PLEKHB2: variants seen among roughly 807,000 people sequenced by gnomAD.
PLEKHB2 encodes the protein pleckstrin homology domain containing B2.
A neutral mutation model predicts 36.5 loss-of-function variants in PLEKHB2; 31 were observed. The ratio of observed to expected loss-of-function variants is 0.85; its 90% confidence interval spans 0.64 to 1.15. The LOEUF (loss-of-function observed/expected upper bound fraction) is 1.15, where lower values mean the gene tolerates loss of function less well. PLEKHB2 is among the 50% of genes most tolerant of loss of function. The pLI is 0.00. For synonymous variants in PLEKHB2, 119 were observed against 112.0 expected (o/e 1.06, Z -0.39); for missense variants, 262 against 295.3 (o/e 0.89, Z 0.83).
At chr2:131,125,165 TG>T (rs1696971673) in intron 2 of PLEKHB2, among the ~76,000 whole-genome samples, 1 of 152,244 alleles carries the variant, frequency 6.6e-6, no homozygotes, top group Non-Finnish European at 1.5e-5. Flanking sequence ...CTGATCAATC[TG>T]GCAATTTAGA....
chr2:131,122,066 T>C (rs1053015754), intron 2 of PLEKHB2, among the ~76,000 whole-genome samples: 2 of 152,012 alleles, frequency 1.3e-5, no homozygotes, highest in Non-Finnish European at 2.9e-5. Flanking sequence ...GCCTGGCTAA[T>C]TTTGTATTTT....
At chr2:131,117,756 A>C (rs1015116181) in intron 1 of PLEKHB2, among the ~76,000 whole-genome samples, 1 of 152,102 alleles carries the variant, frequency 6.6e-6, no homozygotes, top group East Asian at 1.9e-4. Context: ...ACCCCACTGC[A>C]CAGATGTGAT....
At chr2:131,115,889 C>G (rs1430947041) in intron 1 of PLEKHB2, among the ~76,000 whole-genome samples, 1 of 152,098 alleles carries the variant, frequency 6.6e-6, no homozygotes, top group African/African-American at 2.4e-5. Context: ...GATATCCTGC[C>G]CCTAAACTGT....
At chr2:131,117,010 T>C (rs1377648503) in intron 1 of PLEKHB2, among the ~76,000 whole-genome samples, 1 of 151,996 alleles carries the variant, frequency 6.6e-6, no homozygotes, top group African/African-American at 2.4e-5. Flanking sequence ...TAATCGCAGC[T>C]GCTTGGGAGG....
At chr2:131,122,347 C>A (rs552441827) in intron 2 of PLEKHB2, among the ~76,000 whole-genome samples, 4 of 152,318 alleles carry the variant, frequency 2.6e-5, no homozygotes, top group Non-Finnish European at 5.9e-5. Context: ...TAGTCAAAAA[C>A]TGAGCTGTAT....
chr2:131,133,065 T>C, intron 6 of PLEKHB2, 74 bp downstream of exon 6: 1 of 919,752 alleles, frequency 1.1e-6, no homozygotes, highest in Middle Eastern at 2.2e-4. Context: ...TTTTGTTTTT[T>C]TAAATGAAAT....
At chr2:131,125,928 A>G (rs199596148) in intron 3 of PLEKHB2, 23 bp downstream of exon 3, 202 of 1,606,668 alleles carry the variant, frequency 1.3e-4, no homozygotes, top group East Asian at 1.8e-4. Context: ...GTCTTGGCCA[A>G]CTTCTGTCTT....
chr2:131,111,882 C>G (rs1473028843), intron 1 of PLEKHB2, among the ~76,000 whole-genome samples: 1 of 152,116 alleles, frequency 6.6e-6, no homozygotes, highest in Non-Finnish European at 1.5e-5. Context: ...TCTTTAATCT[C>G]TATCTTTTAT....
intron 2 of PLEKHB2, among the ~76,000 whole-genome samples, chr2:131,122,162 T>C (rs1170174236): frequency 2.0e-5 from 3 of 152,042 alleles, no homozygotes; most frequent in African/African-American, 7.2e-5. Flanking sequence ...CCCAAAGTGC[T>C]GGGATTACAG....
chr2:131,136,494 T>G (rs952421408), intron 6 of PLEKHB2, among the ~76,000 whole-genome samples: 1 of 151,716 alleles, frequency 6.6e-6, no homozygotes, highest in Admixed American at 6.6e-5. Flanking sequence ...AAATACTTTT[T>G]CTACAGTAAT....
At chr2:131,108,280 G>A (rs1573510254) in intron 1 of PLEKHB2, among the ~76,000 whole-genome samples, 2 of 152,182 alleles carry the variant, frequency 1.3e-5, no homozygotes, top group African/African-American at 4.8e-5. Context: ...TTAAAGCTTT[G>A]CATAGGTTTT....
intron 7 of PLEKHB2, among the ~76,000 whole-genome samples, chr2:131,146,143 C>T (rs1004561245): frequency 6.6e-6 from 1 of 151,400 alleles, no homozygotes; most frequent in Non-Finnish European, 1.5e-5. Flanking sequence ...GATCATGCCA[C>T]TGCACTCCAG....
chr2:131,138,920 G>GC (rs1698520011), intron 6 of PLEKHB2, among the ~76,000 whole-genome samples: 1 of 152,256 alleles, frequency 6.6e-6, no homozygotes, highest in African/African-American at 2.4e-5. Flanking sequence ...GAAATTCTCA[G>GC]CCCCCCACTC....
intron 1 of PLEKHB2, among the ~76,000 whole-genome samples, chr2:131,112,088 A>T (rs534470436): frequency 2.8e-4 from 42 of 152,184 alleles, no homozygotes; most frequent in African/African-American, 1.0e-3. Context: ...TGAAACACCT[A>T]TGCGACTTTA....
chr2:131,111,868 A>C (rs1267140196), intron 1 of PLEKHB2, among the ~76,000 whole-genome samples: 1 of 151,392 alleles, frequency 6.6e-6, no homozygotes, highest in Admixed American at 6.6e-5. Context: ...TGAAAATTTT[A>C]TTTTCTTTAA....
In PLEKHB2 at chr2:131,122,993, T is replaced by C. The variant is rs191986373; in HGVS notation, c.37+2015T>C. ...CACACCCTTGTTTGAGGGCAAGCTT[T>C]CCCTTTTCCACCACAACTTGAAGTA... On this transcript the variant is annotated intron_variant, in intron 2 of 7. Transcript: ENST00000693505. 1.5e-3 allele frequency among the ~76,000 whole-genome samples: 232 copies of C among 152,290 alleles called. 3 individuals carry two copies. Among genetic ancestry groups the C allele is most frequent in the South Asian group, 0.01 (50 of 4,822 alleles).
intron 1 of PLEKHB2, chr2:131,108,154 G>A (rs1694926217): frequency 6.6e-6 from 1 of 152,186 alleles, no homozygotes; most frequent in African/African-American, 2.4e-5. Context: ...GCTTAGAACT[G>A]TCAGATTCCA....
chr2:131,137,596 T>C (rs892927298), intron 6 of PLEKHB2, among the ~76,000 whole-genome samples: 1 of 152,242 alleles, frequency 6.6e-6, no homozygotes, highest in African/African-American at 2.4e-5. Flanking sequence ...GCAGAGTCTA[T>C]AGTAAAAATC....
At position 131,149,446 on chromosome 2, in the gene PLEKHB2, A is replaced by G. The variant is rs1699526274; in HGVS notation, c.*2673A>G. 6.6e-6 allele frequency: 1 copy of G among 152,176 alleles called. No individual in the cohort carries two copies. The highest frequency in any genetic ancestry group is 1.5e-5 in the Non-Finnish European group (1 of 68,030). 9.4% of individuals were successfully genotyped at this position (152,176 alleles called of 1,614,324 possible). The stretch of plus-strand genomic sequence containing the variant: ...ATCTGATTGTTCTTTTCATTCCTTG[A>G]GTCAACTTCAGGGTCTTGGATACTA... On this transcript the variant is annotated 3_prime_UTR_variant, in exon 8 of 8. Coordinates refer to ENST00000693505, the MANE Select transcript of PLEKHB2 (RefSeq NM_001100623.2).
Sources: allele counts gnomAD v4.1 joint callset (sites outside exome capture counted in the v4.1 genomes callset), GRCh38; gene constraint gnomAD v4.1.1; transcripts MANE v1.5; gene names NCBI Gene and HGNC (gene_info 2026-07-23, HGNC 2026-07-21).